The following PACRG variants were observed in gnomAD, a reference collection of about 807,000 sequenced individuals.
PACRG encodes parkin coregulated, also known as parkin coregulated gene protein.
Under a neutral mutation model 29.7 loss-of-function variants are expected in PACRG, and 29 were observed. That is an observed-to-expected ratio of 0.98 (90% CI 0.73 to 1.33). The LOEUF (loss-of-function observed/expected upper bound fraction) is 1.33, where lower values mean the gene tolerates loss of function less well. Ranked by LOEUF, PACRG falls within the 40% of genes most tolerant of loss-of-function variation. The pLI, the probability that PACRG is intolerant of heterozygous loss-of-function variation, is 0.00. For synonymous variants in PACRG, 116 were observed against 118.7 expected (o/e 0.98, Z 0.15); for missense variants, 279 against 316.2 (o/e 0.88, Z 0.89).
At position 162,733,744 on chromosome 6, in the gene PACRG, A is replaced by G. The variant is rs547465306; in HGVS notation, c.156+5353A>G. Among the ~76,000 whole-genome samples, 4 of 152,238 alleles carry G rather than the reference A, an allele frequency of 2.6e-5. No homozygotes were observed. In the East Asian group the frequency reaches 7.7e-4, roughly 29 times the overall value. ...GCCCTTCCTGTTTCCTCTGCCTGAA[A>G]TGCATTTTACCCTGTGTGTCCTCAT... On this transcript the variant is annotated intron_variant, in intron 1 of 4. Coordinates refer to ENST00000366888, the MANE Select transcript of PACRG (RefSeq NM_001080379.2).
intron 2 of PACRG, among the ~76,000 whole-genome samples, chr6:162,976,733 C>A (rs1801992654): frequency 6.6e-6 from 1 of 151,958 alleles, no homozygotes; most frequent in Non-Finnish European, 1.5e-5. Flanking sequence ...ACAATATTTT[C>A]TTATAGAAAT....
chr6:162,764,220 A>AGCC (rs1459289869), intron 1 of PACRG, among the ~76,000 whole-genome samples: 1 of 152,162 alleles, frequency 6.6e-6, no homozygotes. Context: ...GGTTGCAGGG[A>AGCC]GCCAGGATTG....
intron 1 of PACRG, among the ~76,000 whole-genome samples, chr6:162,787,192 A>G (rs545422646): frequency 1.2e-4 from 19 of 152,188 alleles, no homozygotes; most frequent in Admixed American, 9.2e-4. Flanking sequence ...TACCAATTTT[A>G]TTAGGACTGC....
At chr6:162,930,207 G>T (rs1797747062) in intron 2 of PACRG, among the ~76,000 whole-genome samples, 1 of 151,782 alleles carries the variant, frequency 6.6e-6, no homozygotes, top group Non-Finnish European at 1.5e-5. Context: ...AACAAAATTA[G>T]TTATTCCAAT....
At chr6:163,048,532 T>C (rs1298661775) in intron 2 of PACRG, among the ~76,000 whole-genome samples, 1 of 152,202 alleles carries the variant, frequency 6.6e-6, no homozygotes, top group Non-Finnish European at 1.5e-5. Context: ...GTTAAGGTTA[T>C]GTCGGCCTCG....
At chr6:162,795,555 A>G (rs770555639) in intron 1 of PACRG, among the ~76,000 whole-genome samples, 3 of 151,628 alleles carry the variant, frequency 2.0e-5, no homozygotes, top group Non-Finnish European at 2.9e-5. Flanking sequence ...TTTTTTTTGG[A>G]GATTTCCTGA....
chr6:162,800,477 G>C (rs1785761737), intron 1 of PACRG, among the ~76,000 whole-genome samples: 1 of 152,090 alleles, frequency 6.6e-6, no homozygotes. Context: ...TATAAATTTT[G>C]AATGACATAC....
rs1392782180 is a variant in PACRG, at chr6:163,314,999, G to T, written c.*12G>T. 11 of 1,611,318 alleles carry T rather than the reference G, an allele frequency of 6.8e-6. No homozygotes were observed. Among genetic ancestry groups the T allele is most frequent in the Middle Eastern group, 1.7e-4 (1 of 6,032 alleles). On this transcript the variant is annotated 3_prime_UTR_variant, in exon 5 of 5. Coordinates refer to ENST00000366888, the MANE Select transcript of PACRG (RefSeq NM_001080379.2). ...GCTTGCTAAACTAACAGTGGCAGCA[G>T]CTGGGACTTGAAACCTCCCGTTGGT...
intron 2 of PACRG, among the ~76,000 whole-genome samples, chr6:162,981,191 C>G (rs2128172093): frequency 6.6e-6 from 1 of 151,910 alleles, no homozygotes; most frequent in Non-Finnish European, 1.5e-5. Flanking sequence ...CCAATTCTAT[C>G]CAGGTTGCTG....
chr6:163,095,847 G>A (rs1404208033), intron 4 of PACRG, among the ~76,000 whole-genome samples: 1 of 152,126 alleles, frequency 6.6e-6, no homozygotes, highest in East Asian at 1.9e-4. Context: ...ACATCCTAAA[G>A]TTCTGGAAAA....
chr6:163,249,531 G>A lies in PACRG; in HGVS notation c.614-65296G>A, dbSNP rs1167816507. ...GTTAAGGGCATGAGCCTTTCAGAAG[G>A]GGGATCCTGATGGGCCGGAAGTGGA... is the stretch of plus-strand genomic sequence containing the variant. On this transcript the variant is annotated intron_variant, in intron 4 of 4. Transcript: ENST00000366888. Among the ~76,000 whole-genome samples, 5 of 152,312 alleles carry A rather than the reference G, an allele frequency of 3.3e-5. No homozygotes were observed. The East Asian group carries it at 7.7e-4, about 23-fold the overall frequency.
intron 4 of PACRG, among the ~76,000 whole-genome samples, chr6:163,146,391 T>C (rs890333252): frequency 6.6e-6 from 1 of 152,172 alleles, no homozygotes; most frequent in South Asian, 2.1e-4. Flanking sequence ...AGTTATTCAG[T>C]CTAATGGCAA....
intron 4 of PACRG, among the ~76,000 whole-genome samples, chr6:163,158,519 A>T (rs1320844361): frequency 6.6e-6 from 1 of 152,224 alleles, no homozygotes; most frequent in African/African-American, 2.4e-5. Context: ...CGTGAATTAC[A>T]GTAGGATGTG....
At chr6:163,302,209 GT>G (rs1423553050) in intron 4 of PACRG, among the ~76,000 whole-genome samples, 1 of 151,082 alleles carries the variant, frequency 6.6e-6, no homozygotes, top group African/African-American at 2.4e-5. Context: ...TCCCCCCACA[GT>G]TTAGATACTG....
chr6:163,310,857 G>C (rs1291917432), intron 4 of PACRG: 1 of 152,102 alleles, frequency 6.6e-6, no homozygotes, highest in Admixed American at 6.5e-5. Flanking sequence ...GGTGGCCCTC[G>C]GTGACAAGAT....
chr6:163,261,882 G>A (rs540616536), intron 4 of PACRG, among the ~76,000 whole-genome samples: 6 of 152,132 alleles, frequency 3.9e-5, no homozygotes, highest in African/African-American at 1.4e-4. Flanking sequence ...TAGTATCAGG[G>A]ACTTGAGCAT....
chr6:163,288,740 A>T (rs1235584057), intron 4 of PACRG, among the ~76,000 whole-genome samples: 1 of 147,718 alleles, frequency 6.8e-6, no homozygotes, highest in Non-Finnish European at 1.5e-5. Context: ...AACACTTTTG[A>T]ATGGCTTTCC....
rs1562349142 is a variant in PACRG at position 163,269,785 on chromosome 6, A to ACAGACAGGAAGG, written c.614-45042_614-45041insCAGACAGGAAGG. ...GAGAGACAGACAGACAGACAGACAG[A>ACAGACAGGAAGG]AAGAAAGAAAGGAAGGAAGGAAGGA... is the stretch of plus-strand genomic sequence containing the variant. On this transcript the variant is annotated intron_variant, in intron 4 of 4. Coordinates refer to ENST00000366888, the MANE Select transcript of PACRG (RefSeq NM_001080379.2). Among the ~76,000 whole-genome samples, 17 of 93,904 alleles carry ACAGACAGGAAGG rather than the reference A, an allele frequency of 1.8e-4. 1 individual carries two copies. The South Asian group carries it at 5.6e-3, about 31-fold the overall frequency. 61.6% of individuals were successfully genotyped at this position (93,904 alleles called of 152,430 possible). A position where few individuals can be genotyped will look rare whatever the true frequency, so the allele number is the denominator to read the frequency against.
At chr6:162,741,509 ATCTC>A (rs57619507) in intron 1 of PACRG, among the ~76,000 whole-genome samples, 10 of 149,210 alleles carry the variant, frequency 6.7e-5, no homozygotes, top group South Asian at 4.2e-4. Context: ...TGAGGAGAGC[ATCTC>A]TCTCTCTCTC....
Sources: allele counts gnomAD v4.1 joint callset (sites outside exome capture counted in the v4.1 genomes callset), GRCh38; gene constraint gnomAD v4.1.1; transcripts MANE v1.5; gene names NCBI Gene and HGNC (gene_info 2026-07-23, HGNC 2026-07-21).